RALGAPA2: variants seen among roughly 807,000 people sequenced by gnomAD.
The protein encoded by RALGAPA2 is Ral GTPase activating protein catalytic subunit alpha 2, also known as ral GTPase-activating protein subunit alpha-2.
In RALGAPA2, 139 loss-of-function variants were observed where a neutral mutation model predicts 230.4. The ratio of observed to expected loss-of-function variants is 0.60; its 90% CI spans 0.53 to 0.69. The LOEUF is 0.69. Among genes scored for constraint, RALGAPA2 ranks in the 30% least tolerant of loss-of-function variants. The pLI is 0.00. For synonymous variants in RALGAPA2, 847 were observed against 837.8 expected (o/e 1.01, Z -0.19); for missense variants, 2,163 against 2,276.0 (o/e 0.95, Z 1.01).
chr20:20,524,966 G>T, intron 28 of RALGAPA2, 68 bp from the exon 29 acceptor site: 1 of 1,409,448 alleles, frequency 7.1e-7, no homozygotes, highest in Non-Finnish European at 9.7e-7. Flanking sequence ...TATGTTAGGA[G>T]TCCCACGATG....
chr20:20,544,828 T>C lies in RALGAPA2; in HGVS notation c.3285+1876A>G, dbSNP rs149308746. Among the ~76,000 whole-genome samples the C allele has an allele frequency of 7.3e-3, 1,098 of 150,216 alleles. 11 individuals are homozygous for C. The highest frequency in any genetic ancestry group is 0.026 in the African/African-American group (1,049 of 40,670). On this transcript the variant is annotated intron_variant, in intron 24 of 39. Transcript: ENST00000202677. ...AAGTGGGAGCTGAACAATGAGAACA[T>C]ATGGACACAGCGAGGGGAATATCAC...
chr20:20,591,274 G>A lies in RALGAPA2; in HGVS notation c.2244C>T (p.Ala748=), dbSNP rs570939852. 23 of 1,613,680 alleles carry A rather than the reference G, an allele frequency of 1.4e-5. No homozygotes were observed. Among genetic ancestry groups the A allele is most frequent in the South Asian group, 4.4e-5 (4 of 91,074 alleles). ...ECQQSENAPA[A]GSGHLTVGQQ... ...GTCCCACTGTGAGATGGCCAGATCC[G>A]GCTGCAGGTGCATTTTCTGACTGTT... The change falls in exon 17 of 40, where the codon GCC becomes GCT. Residue 748 remains alanine, a synonymous_variant. Coordinates refer to ENST00000202677, the MANE Select transcript of RALGAPA2 (RefSeq NM_020343.4).
intron 36 of RALGAPA2, among the ~76,000 whole-genome samples, chr20:20,490,748 A>C (rs1022607879): frequency 4.6e-5 from 7 of 152,072 alleles, no homozygotes; most frequent in African/African-American, 1.7e-4. Context: ...CCATGTGCAA[A>C]TGCTCTTGTA....
At chr20:20,663,615 A>G (rs1381665377) in intron 3 of RALGAPA2, among the ~76,000 whole-genome samples, 2 of 152,040 alleles carry the variant, frequency 1.3e-5, no homozygotes. Flanking sequence ...TTTTTGAGAC[A>G]GAGTCTCACT....
intron 37 of RALGAPA2, among the ~76,000 whole-genome samples, chr20:20,461,164 T>C (rs1228278081): frequency 6.6e-6 from 1 of 152,250 alleles, no homozygotes; most frequent in Non-Finnish European, 1.5e-5. Flanking sequence ...CTGATGTGCA[T>C]ATGTCATTAT....
intron 2 of RALGAPA2, among the ~76,000 whole-genome samples, chr20:20,676,491 T>TGCTA (rs1295705070): frequency 7.4e-6 from 1 of 135,868 alleles, no homozygotes; most frequent in African/African-American, 2.8e-5. Context: ...CCAGCAGAGC[T>TGCTA]GCCCCTTGCT....
chr20:20,629,270 T>TAAAA, intron 10 of RALGAPA2, 93 bp downstream of exon 10: 3 of 1,052,094 alleles, frequency 2.9e-6, no homozygotes, highest in East Asian at 5.2e-5. Flanking sequence ...TGTTGGCGTG[T>TAAAA]TACAAGTAAA....
At chr20:20,632,231 C>T (rs1037973778) in intron 9 of RALGAPA2, among the ~76,000 whole-genome samples, 2 of 151,924 alleles carry the variant, frequency 1.3e-5, no homozygotes, top group Middle Eastern at 3.2e-3. Context: ...GGGGTTTCAC[C>T]GTGTTAGCCA....
intron 37 of RALGAPA2, among the ~76,000 whole-genome samples, chr20:20,461,624 T>C (rs1267941509): frequency 6.6e-6 from 1 of 152,206 alleles, no homozygotes; most frequent in Non-Finnish European, 1.5e-5. Flanking sequence ...ATCTATTCTG[T>C]CCATCTGTTT....
intron 33 of RALGAPA2, among the ~76,000 whole-genome samples, chr20:20,505,776 T>G (rs1490726444): frequency 6.6e-6 from 1 of 152,002 alleles, no homozygotes; most frequent in Non-Finnish European, 1.5e-5. Flanking sequence ...GCACAGAAAG[T>G]GAAACAAAAA....
chr20:20,689,313 T>C (rs550244467), intron 1 of RALGAPA2, among the ~76,000 whole-genome samples: 1 of 152,352 alleles, frequency 6.6e-6, no homozygotes, highest in African/African-American at 2.4e-5. Flanking sequence ...ACTTAAGGCA[T>C]AACTATGAGT....
chr20:20,707,052 C>T (rs1188668578), intron 1 of RALGAPA2, among the ~76,000 whole-genome samples: 1 of 152,170 alleles, frequency 6.6e-6, no homozygotes, highest in East Asian at 1.9e-4. Flanking sequence ...TTTTCTTAAA[C>T]TCAACATGTA....
rs1047599434 is a variant in RALGAPA2, at chr20:20,619,364, T to C, written c.1452A>G (p.Thr484=). 6.2e-7 allele frequency: 1 copy of C among 1,611,042 alleles called. No individual in the cohort carries two copies. The highest frequency in any genetic ancestry group is 2.2e-5 in the East Asian group (1 of 44,836). ...GHKRSSSWGR[T]YSFTSAMSRG... ...TGCTCATTGCACTTGTGAAGGAGTA[T>C]GTGCGTCCCCAACTGGAAGATCGTT... The change falls in exon 12 of 40, where the codon ACA becomes ACG. Residue 484 remains threonine (T), a synonymous_variant. Coordinates refer to ENST00000202677, the MANE Select transcript of RALGAPA2 (RefSeq NM_020343.4).
chr20:20,446,766 G>A (rs938392868), intron 37 of RALGAPA2, among the ~76,000 whole-genome samples: 14 of 152,314 alleles, frequency 9.2e-5, no homozygotes, highest in African/African-American at 2.9e-4. Flanking sequence ...AGTTCCTGCA[G>A]ATTCAAAATG....
At position 20,611,341 on chromosome 20, in the gene RALGAPA2, G is replaced by C; in HGVS notation, c.1774C>G (p.Gln592Glu). The C allele has an allele frequency of 6.2e-7, 1 of 1,613,064 alleles. No individual in the cohort carries two copies. Residue 592 changes from glutamine to glutamate, a missense_variant, in exon 14 of 40, where the codon CAG (glutamine) becomes GAG (glutamate). Transcript: ENST00000202677. ...KDKQIKDLFA[Q>E]SLAGLLFRTL... ...CTAAATAGTAACCCTGCCAAGCTCT[G>C]GGCAAACAAGTCCTTTATTTGTTTA...
At chr20:20,548,416 T>G (rs751967478) in intron 23 of RALGAPA2, among the ~76,000 whole-genome samples, 2 of 152,192 alleles carry the variant, frequency 1.3e-5, no homozygotes, top group Non-Finnish European at 2.9e-5. Context: ...ATATTTACAT[T>G]CTTAAAATTA....
intron 23 of RALGAPA2, among the ~76,000 whole-genome samples, chr20:20,555,232 T>A (rs1484031285): frequency 6.6e-6 from 1 of 152,240 alleles, no homozygotes; most frequent in Admixed American, 6.5e-5. Flanking sequence ...CAGCTGACTA[T>A]GGGCTTACGA....
intron 33 of RALGAPA2, among the ~76,000 whole-genome samples, chr20:20,509,061 A>G (rs1007854888): frequency 2.0e-5 from 3 of 152,270 alleles, no homozygotes; most frequent in Non-Finnish European, 2.9e-5. Context: ...GGAATAATTC[A>G]GCATACGCTT....
intron 15 of RALGAPA2, among the ~76,000 whole-genome samples, chr20:20,603,900 G>T (rs923124206): frequency 6.6e-6 from 1 of 152,186 alleles, no homozygotes; most frequent in African/African-American, 2.4e-5. Flanking sequence ...TACACAATAA[G>T]CAGTGTGTAC....
Sources: gnomAD v4.1 joint callset for allele counts (sites outside exome capture counted in the v4.1 genomes callset) on GRCh38, gnomAD v4.1.1 for gene constraint, MANE v1.5 for transcripts, NCBI Gene and HGNC (gene_info 2026-07-23, HGNC 2026-07-21) for gene names.